RGS7: variants seen among roughly 807,000 people sequenced by gnomAD.
RGS7 encodes the protein regulator of G-protein signaling 7.
Under a neutral mutation model 81.1 loss-of-function variants are expected in RGS7, and 27 were observed. The observed-to-expected ratio is 0.33, with a 90% CI of 0.25 to 0.46. The LOEUF is 0.46. RGS7 is among the 20% of genes least tolerant of loss of function. The pLI is 1.00. For synonymous variants in RGS7, 208 were observed against 207.7 expected, an observed-to-expected ratio of 1.00 and a Z score of -0.01; for missense variants, 396 against 607.4, an observed-to-expected ratio of 0.65 and a Z score of 3.66.
At position 241,177,331 on chromosome 1, in the gene RGS7, C is replaced by A. The variant is rs570075353; in HGVS notation, c.79-78569G>T. 9.2e-5 allele frequency among the ~76,000 whole-genome samples: 14 copies of A among 152,060 alleles called. No homozygotes were observed. In the South Asian group the frequency reaches 2.7e-3, roughly 29 times the overall value. On this transcript the variant is annotated intron_variant, in intron 2 of 18. Coordinates refer to ENST00000440928, the MANE Select transcript of RGS7 (RefSeq NM_001364886.1). ...AGCACATCTGATGGAGAGAGTTCAG[C>A]AAGTATAAAAGCCTCAAGGCAGGGA...
chr1:241,206,668 C>T (rs371352850), intron 2 of RGS7, among the ~76,000 whole-genome samples: 1 of 152,108 alleles, frequency 6.6e-6, no homozygotes, highest in African/African-American at 2.4e-5. Flanking sequence ...TACCATACTC[C>T]CAGCTGCCCT....
intron 9 of RGS7, among the ~76,000 whole-genome samples, chr1:240,834,541 C>T (rs111282042): frequency 7.9e-5 from 12 of 152,138 alleles, no homozygotes; most frequent in African/African-American, 2.4e-4. Flanking sequence ...GATGGAGTCT[C>T]GCTCCACCGC....
intron 18 of RGS7, among the ~76,000 whole-genome samples, chr1:240,799,884 A>C (rs1348603506): frequency 6.6e-6 from 1 of 152,144 alleles, no homozygotes; most frequent in Admixed American, 6.5e-5. Flanking sequence ...GCCCTTTCTT[A>C]AAGTTTGCAG....
chr1:240,801,553 A>G (rs1688030605), intron 16 of RGS7, 45 bp from the exon 17 acceptor site: 4 of 1,335,214 alleles, frequency 3.0e-6, no homozygotes, highest in African/African-American at 1.4e-5. Flanking sequence ...ATAAGGGAAG[A>G]TTAAAAAAAA....
intron 2 of RGS7, among the ~76,000 whole-genome samples, chr1:241,239,035 CT>C (rs2076138109): frequency 7.1e-6 from 1 of 141,206 alleles, no homozygotes; most frequent in Non-Finnish European, 1.5e-5. Flanking sequence ...CTGGTGCGAT[CT>C]CGGCTCACTG....
intron 18 of RGS7, among the ~76,000 whole-genome samples, chr1:240,794,225 G>T (rs964746210): frequency 1.3e-5 from 2 of 151,928 alleles, no homozygotes; most frequent in Non-Finnish European, 2.9e-5. Context: ...TCTAGAAAAA[G>T]AACTTTCTGA....
At chr1:241,269,186 G>C (rs1050705437) in intron 2 of RGS7, among the ~76,000 whole-genome samples, 1 of 152,176 alleles carries the variant, frequency 6.6e-6, no homozygotes, top group Non-Finnish European at 1.5e-5. Context: ...TGACAGACTC[G>C]TGGGTCTCTT....
At chr1:240,823,064 C>T in intron 10 of RGS7, 1 of 733,260 alleles carries the variant, frequency 1.4e-6, no homozygotes, top group South Asian at 1.5e-5. Context: ...TTAGCCTCCT[C>T]AATGTCACCT....
chr1:240,981,595 G>A (rs914124238), intron 4 of RGS7, among the ~76,000 whole-genome samples: 13 of 152,278 alleles, frequency 8.5e-5, no homozygotes, highest in Admixed American at 8.5e-4. Context: ...AGGCTGAAAT[G>A]TGAACTTGGT....
chr1:240,992,864 T>A (rs649792), intron 3 of RGS7, among the ~76,000 whole-genome samples: 125,036 of 145,420 alleles, frequency 0.86, 53,233 homozygotes, highest in East Asian at 1. Context: ...AAAAAAAAAA[T>A]ATTAGCCGGG....
chr1:241,268,230 G>A (rs1321661732), intron 2 of RGS7, among the ~76,000 whole-genome samples: 2 of 152,178 alleles, frequency 1.3e-5, no homozygotes. Context: ...CAGGAAGAGA[G>A]CTGAGGCTTC....
Position 240,839,816 on chromosome 1 carries a change from C to T in RGS7, c.610-12644G>A, listed in dbSNP as rs112927236. ...GATAAAGTGTCCAAGCCAGAACTCT[C>T]AGTTTCTCTCCCCTCCTACCTATTC... On this transcript the variant is annotated intron_variant, in intron 9 of 18. Transcript: ENST00000440928. Among the ~76,000 whole-genome samples, 938 of 152,248 alleles carry T rather than the reference C, an allele frequency of 6.2e-3. 10 individuals are homozygous for T. The highest frequency in any genetic ancestry group is 0.021 in the African/African-American group (887 of 41,542).
chr1:241,191,461 C>T (rs1453765533), intron 2 of RGS7, among the ~76,000 whole-genome samples: 1 of 151,964 alleles, frequency 6.6e-6, no homozygotes, highest in Admixed American at 6.5e-5. Flanking sequence ...AGAAGAAATC[C>T]CACTTTGATT....
At chr1:240,841,244 C>CA (rs1657925098) in intron 9 of RGS7, among the ~76,000 whole-genome samples, 1 of 152,204 alleles carries the variant, frequency 6.6e-6, no homozygotes, top group Non-Finnish European at 1.5e-5. Flanking sequence ...TACAAAGCCT[C>CA]AGTTTTAGAG....
intron 2 of RGS7, among the ~76,000 whole-genome samples, chr1:241,350,176 C>A (rs1558348519): frequency 6.6e-6 from 1 of 152,214 alleles, no homozygotes; most frequent in Non-Finnish European, 1.5e-5. Context: ...CAAAATTCAT[C>A]ATTAAATGAT....
intron 9 of RGS7, among the ~76,000 whole-genome samples, chr1:240,839,762 T>C (rs571477115): frequency 6.6e-6 from 1 of 152,278 alleles, no homozygotes; most frequent in Non-Finnish European, 1.5e-5. Flanking sequence ...CCAGATTCAT[T>C]GCTAATTTTG....
chr1:241,243,755 A>G (rs1276311897), intron 2 of RGS7, among the ~76,000 whole-genome samples: 2 of 152,230 alleles, frequency 1.3e-5, no homozygotes, highest in African/African-American at 4.8e-5. Context: ...GAAACGAAGG[A>G]AAGTGGTCAC....
At chr1:241,099,715 T>C (rs577586611) in intron 2 of RGS7, among the ~76,000 whole-genome samples, 11 of 152,318 alleles carry the variant, frequency 7.2e-5, no homozygotes, top group Admixed American at 1.3e-4. Context: ...AGTATGGGAC[T>C]TAAAATCCAT....
chr1:241,184,205 A>T (rs996432869), intron 2 of RGS7, among the ~76,000 whole-genome samples: 3 of 152,162 alleles, frequency 2.0e-5, no homozygotes, highest in Non-Finnish European at 4.4e-5. Flanking sequence ...AGAAAAAAAA[A>T]TGTATTGAGT....
Sources: allele counts gnomAD v4.1 joint callset (sites outside exome capture counted in the v4.1 genomes callset), GRCh38; gene constraint gnomAD v4.1.1; transcripts MANE v1.5; gene names NCBI Gene and HGNC (gene_info 2026-07-23, HGNC 2026-07-21).